The following GRM5 variants were observed in gnomAD, a reference collection of about 807,000 sequenced individuals.
GRM5 encodes glutamate metabotropic receptor 5.
In GRM5, 19 loss-of-function variants were observed where a neutral mutation model predicts 83.1. The observed-to-expected ratio is 0.23, with a 90% CI of 0.16 to 0.34. The LOEUF (loss-of-function observed/expected upper bound fraction) is 0.34, where lower values mean the gene tolerates loss of function less well. GRM5 is among the 10% of genes least tolerant of loss of function. The pLI is 1.00. For missense variants in GRM5, 1,160 were observed against 1,588.3 expected, an observed-to-expected ratio of 0.73 and a Z score of 4.58; for synonymous variants, 675 against 633.6, an observed-to-expected ratio of 1.07 and a Z score of -0.98.
chr11:88,950,525 A>C (rs973921643), intron 2 of GRM5, among the ~76,000 whole-genome samples: 4 of 152,188 alleles, frequency 2.6e-5, no homozygotes, highest in Admixed American at 6.5e-5. Context: ...AATAAAAAAA[A>C]ACAGAACTAG....
At chr11:88,534,834 G>A (rs1044287354) in intron 8 of GRM5, among the ~76,000 whole-genome samples, 2 of 152,166 alleles carry the variant, frequency 1.3e-5, no homozygotes, top group African/African-American at 2.4e-5. Context: ...GACCTTGTGG[G>A]AGATAATTGA....
rs754133983 is a variant in GRM5, at chr11:88,525,382, G to T, written c.2653C>A (p.Gln885Lys). Residue 885 changes from glutamine to lysine, a missense_variant, in exon 9 of 10, where the codon CAG (glutamine) becomes AAG (lysine). Around this residue, in one of 9 missense-constraint regions of GRM5, gnomAD observed 562 missense variants for 532.4 expected, o/e 1.06. Transcript: ENST00000305447. ...AAACACTCTATTTCCGACTTGTGCT[G>T]GGCCAGTCTCCTGTCTTTGTACCTG... ...TLRYKDRRLA[Q>K]HKSEIECFTP... 2 of 1,609,986 alleles carry T rather than the reference G, an allele frequency of 1.2e-6. No individual in the cohort carries two copies. The highest frequency in any genetic ancestry group is 1.7e-6 in the Non-Finnish European group (2 of 1,176,484).
intron 3 of GRM5, among the ~76,000 whole-genome samples, chr11:88,811,374 C>T (rs1297851011): frequency 6.6e-6 from 1 of 152,022 alleles, no homozygotes; most frequent in Non-Finnish European, 1.5e-5. Flanking sequence ...GGAATCTGAA[C>T]CAGGAAACAG....
intron 3 of GRM5, among the ~76,000 whole-genome samples, chr11:88,839,677 T>A (rs1944161126): frequency 1.3e-5 from 2 of 152,186 alleles, no homozygotes; most frequent in Non-Finnish European, 2.9e-5. Context: ...CATTTTCCCT[T>A]AAAATATACA....
intron 3 of GRM5, among the ~76,000 whole-genome samples, chr11:88,680,117 C>A (rs1001064425): frequency 4.6e-5 from 7 of 152,122 alleles, no homozygotes; most frequent in African/African-American, 1.4e-4. Context: ...TTCTAGGGTA[C>A]ATGTGCACAA....
chr11:88,849,609 C>T (rs1944354947), intron 3 of GRM5, among the ~76,000 whole-genome samples: 1 of 152,124 alleles, frequency 6.6e-6, no homozygotes, highest in African/African-American at 2.4e-5. Context: ...TGTTTACTTT[C>T]CAAGTGAATT....
In GRM5 at chr11:89,047,500, C is replaced by T; in HGVS notation, c.373G>A (p.Gly125Ser). 2 of 1,614,190 alleles carry T rather than the reference C, an allele frequency of 1.2e-6. No homozygotes were observed. Among genetic ancestry groups the T allele is most frequent in the Middle Eastern group, 1.6e-4 (1 of 6,062 alleles). ...DSLISSEEEE[G>S]LVRCVDGSSS... ...GAGCCATCCACACAGCGTACCAAGC[C>T]TTCTTCCTCTTCTGAAGAAATGAGG... The change falls in exon 2 of 10, where the codon GGC becomes AGC. Residue 125 changes from glycine (G) to serine (S), a missense_variant. Physicochemically the swap from Gly to Ser is moderately conservative, Grantham distance 56. Around this residue, in one of 9 missense-constraint regions of GRM5, gnomAD observed 39 missense variants for 36.7 expected, o/e 1.06. Transcript: ENST00000305447. The surrounding 1 kb of genome is among the most constrained non-coding windows in gnomAD (Gnocchi z 5.1).
At chr11:88,606,018 C>G (rs1043205935) in intron 4 of GRM5, among the ~76,000 whole-genome samples, 1 of 152,166 alleles carries the variant, frequency 6.6e-6, no homozygotes, top group Non-Finnish European at 1.5e-5. Flanking sequence ...GACCTGGAAG[C>G]TCTCTGAAGC....
At chr11:88,833,794 T>G (rs1944040974) in intron 3 of GRM5, among the ~76,000 whole-genome samples, 1 of 152,142 alleles carries the variant, frequency 6.6e-6, no homozygotes, top group Admixed American at 6.5e-5. Context: ...GCATAACAAA[T>G]AATGAAATCA....
At chr11:88,556,325 T>A (rs201500164) in intron 8 of GRM5, among the ~76,000 whole-genome samples, 3 of 84,974 alleles carry the variant, frequency 3.5e-5, no homozygotes, top group Admixed American at 2.8e-4. Flanking sequence ...TTTTCTTTTC[T>A]TTTTTTTTTT....
intron 4 of GRM5, among the ~76,000 whole-genome samples, chr11:88,645,164 A>G (rs561780082): frequency 1.3e-5 from 2 of 152,226 alleles, no homozygotes; most frequent in South Asian, 4.1e-4. Context: ...CATTTTATTA[A>G]CAGTAGTTTG....
At chr11:88,539,399 A>G (rs17761951) in intron 8 of GRM5, among the ~76,000 whole-genome samples, 16,802 of 152,228 alleles carry the variant, frequency 0.11, 1,229 homozygotes, top group Non-Finnish European at 0.16. Context: ...AGGGTTAGTT[A>G]TGCTTTCTGA....
In GRM5 at chr11:88,653,359, C is replaced by T. The variant is rs1490387284; in HGVS notation, c.956G>A (p.Arg319Gln). ...DRYDVTDGYQREAVGGITIKL... is the reference protein window; with the variant it reads ...DRYDVTDGYQQEAVGGITIKL... The stretch of plus-strand genomic sequence containing the variant: ...GATTGTGATGCCACCAACAGCTTCT[C>T]GCTGATATCCATCTGTCACATCATA... Residue 319 changes from arginine (R) to glutamine (Q), a missense_variant, in exon 4 of 10, where the codon CGA (arginine) becomes CAA (glutamine). Physicochemically the swap from Arg to Gln is conservative, Grantham distance 43 (BLOSUM62 1). Coordinates refer to ENST00000305447, the MANE Select transcript of GRM5 (RefSeq NM_001143831.3). 63 of 1,612,816 alleles carry T rather than the reference C, an allele frequency of 3.9e-5. No homozygotes were observed. Among genetic ancestry groups the T allele is most frequent in the Non-Finnish European group, 5.1e-5 (60 of 1,179,232 alleles).
intron 3 of GRM5, among the ~76,000 whole-genome samples, chr11:88,671,961 G>A (rs527291625): frequency 6.6e-6 from 1 of 152,082 alleles, no homozygotes; most frequent in East Asian, 1.9e-4. Context: ...TATTTAAACA[G>A]AAAACTTAAA....
At chr11:88,788,478 T>C (rs1006297146) in intron 3 of GRM5, among the ~76,000 whole-genome samples, 4 of 152,146 alleles carry the variant, frequency 2.6e-5, no homozygotes, top group African/African-American at 7.2e-5. Flanking sequence ...GCAGATCATA[T>C]TGTTATCCAA....
intron 4 of GRM5, among the ~76,000 whole-genome samples, chr11:88,605,763 C>T (rs1029359462): frequency 1.3e-5 from 2 of 152,096 alleles, no homozygotes; most frequent in Non-Finnish European, 2.9e-5. Flanking sequence ...ATAGAAGGTT[C>T]TTGGGAACTA....
chr11:88,805,744 T>G (rs1250100855), intron 3 of GRM5, among the ~76,000 whole-genome samples: 1 of 152,182 alleles, frequency 6.6e-6, no homozygotes, highest in Non-Finnish European at 1.5e-5. Context: ...TTCTCAGTGA[T>G]TAGCACATAA....
chr11:89,040,893 A>G (rs1941515963), intron 2 of GRM5, among the ~76,000 whole-genome samples: 1 of 152,172 alleles, frequency 6.6e-6, no homozygotes, highest in Non-Finnish European at 1.5e-5. Flanking sequence ...GCTTTCTCTT[A>G]CATGCTTGCT....
intron 2 of GRM5, chr11:89,008,914 AGTTT>A: frequency 7.7e-6 from 4 of 522,186 alleles, no homozygotes; most frequent in Non-Finnish European, 1.4e-5. Context: ...TTATTCCTTT[AGTTT>A]GTTTCTTAAT....
Sources: gnomAD v4.1 joint callset for allele counts (sites outside exome capture counted in the v4.1 genomes callset) on GRCh38, gnomAD v4.1.1 for gene constraint, gnomAD v4.1.1 regional missense constraint, Gnocchi (gnomAD v3.1) non-coding constraint, MANE v1.5 for transcripts, NCBI Gene and HGNC (gene_info 2026-07-23, HGNC 2026-07-21) for gene names.